The following CCDC152 variants were observed in gnomAD, a reference collection of about 807,000 sequenced individuals.
The protein encoded by CCDC152 is coiled-coil domain containing 152, also known as coiled-coil domain-containing protein 152.
In CCDC152, 37 loss-of-function variants were observed where a neutral mutation model predicts 38.1. The ratio of observed to expected loss-of-function variants is 0.97; its 90% CI spans 0.75 to 1.28. The LOEUF (loss-of-function observed/expected upper bound fraction) is 1.28, where lower values mean the gene tolerates loss of function less well. CCDC152 is among the 50% of genes most tolerant of loss of function. The pLI is 0.00. For synonymous variants in CCDC152, 83 were observed against 87.1 expected (o/e 0.95, Z 0.26); for missense variants, 259 against 292.1 (o/e 0.89, Z 0.83).
chr5:42,800,531 T>TA lies in CCDC152; in HGVS notation c.*756dup. 2 of 647,822 alleles carry TA rather than the reference T, an allele frequency of 3.1e-6. No individual in the cohort carries two copies. The highest frequency in any genetic ancestry group is 2.7e-5 in the South Asian group (1 of 36,712). The allele number at this position is 647,822 out of a possible 1,614,324, so 40.1% of individuals were successfully genotyped here. A position where few individuals can be genotyped will look rare whatever the true frequency, so the allele number is the denominator to read the frequency against. ...CAATCACCTTTCAGTTGCTCCATCA[T>TA]AAAAAATATGGTTTGAGTCAATATT... On this transcript the variant is annotated 3_prime_UTR_variant, in exon 9 of 9. Coordinates refer to ENST00000361970, the MANE Select transcript of CCDC152 (RefSeq NM_001134848.2).
chr5:42,763,597 C>T lies in CCDC152; in HGVS notation c.193+1049C>T, dbSNP rs80352501. Among the ~76,000 whole-genome samples, 137 of 152,228 alleles carry T rather than the reference C, an allele frequency of 9.0e-4. 3 individuals carry two copies. In the East Asian group the frequency reaches 0.025, roughly 28 times the overall value. ...ATATCATATTGATAGTATATACTCT[C>T]GATAAGATACAATAAAGATGGCAAT... On this transcript the variant is annotated intron_variant, in intron 3 of 8. Transcript: ENST00000361970.
chr5:42,795,254 T>C (rs1339339207), intron 6 of CCDC152, among the ~76,000 whole-genome samples: 1 of 152,192 alleles, frequency 6.6e-6, no homozygotes, highest in African/African-American at 2.4e-5. Context: ...GGCATAGCTA[T>C]ACTAATATTG....
intron 4 of CCDC152, among the ~76,000 whole-genome samples, chr5:42,777,666 A>G (rs1210067053): frequency 6.6e-6 from 1 of 152,204 alleles, no homozygotes; most frequent in Non-Finnish European, 1.5e-5. Flanking sequence ...TCGGTTTCTC[A>G]TCACAACCTT....
At chr5:42,788,330 C>T (rs1342521912) in intron 6 of CCDC152, among the ~76,000 whole-genome samples, 2 of 134,870 alleles carry the variant, frequency 1.5e-5, no homozygotes, top group African/African-American at 5.5e-5. Context: ...AGGTCAATGC[C>T]AAAAAAAAAA....
intron 6 of CCDC152, among the ~76,000 whole-genome samples, chr5:42,790,524 T>G (rs911214143): frequency 6.6e-6 from 1 of 152,192 alleles, no homozygotes; most frequent in Non-Finnish European, 1.5e-5. Flanking sequence ...TTGGGTCCTC[T>G]GCGAAACAGA....
Position 42,801,268 on chromosome 5 carries a change from T to C in CCDC152, c.*1487T>C. ...TCATGATGGTAATGAGGCGATGGAG[T>C]TTCAACTGTTTTATCCACAGTAGCC... On this transcript the variant is annotated 3_prime_UTR_variant, in exon 9 of 9. Coordinates refer to ENST00000361970, the MANE Select transcript of CCDC152 (RefSeq NM_001134848.2). 1 of 1,613,992 alleles carries C rather than the reference T, an allele frequency of 6.2e-7. No individual in the cohort carries two copies. The highest frequency in any genetic ancestry group is 8.5e-7 in the Non-Finnish European group (1 of 1,179,970).
chr5:42,762,912 T>G (rs1014539385), intron 3 of CCDC152, among the ~76,000 whole-genome samples: 3 of 152,208 alleles, frequency 2.0e-5, no homozygotes, highest in Non-Finnish European at 4.4e-5. Context: ...ATGTCAAATG[T>G]GTCAAAAAAA....
Position 42,800,035 on chromosome 5 carries a change from T to A in CCDC152, c.*254T>A. 1 of 392,646 alleles carries A rather than the reference T, an allele frequency of 2.5e-6. No homozygotes were observed. The highest frequency in any genetic ancestry group is 4.5e-6 in the Non-Finnish European group (1 of 222,998). 24.3% of individuals were successfully genotyped at this position (392,646 alleles called of 1,614,324 possible). On this transcript the variant is annotated 3_prime_UTR_variant, in exon 9 of 9. Transcript: ENST00000361970. ...CATCATTGACTATGGAAATACTTAC[T>A]AAGCAATATAGAGACAGACAATATT...
chr5:42,785,303 G>C (rs1759903659), intron 6 of CCDC152, among the ~76,000 whole-genome samples: 1 of 152,026 alleles, frequency 6.6e-6, no homozygotes, highest in African/African-American at 2.4e-5. Flanking sequence ...TCCTTGTAGA[G>C]GTTTTTCATC....
chr5:42,788,105 T>C (rs760102307), intron 6 of CCDC152, among the ~76,000 whole-genome samples: 1 of 152,192 alleles, frequency 6.6e-6, no homozygotes, highest in Non-Finnish European at 1.5e-5. Flanking sequence ...AAAACTCCTT[T>C]GAGCATTTCT....
chr5:42,801,018 T>C lies in CCDC152; in HGVS notation c.*1237T>C, dbSNP rs1449323933. 5 of 1,614,086 alleles carry C rather than the reference T, an allele frequency of 3.1e-6. No homozygotes were observed. Among genetic ancestry groups the C allele is most frequent in the Non-Finnish European group, 4.2e-6 (5 of 1,180,018 alleles). ...TGTGGGCAATTTACAGAGTAATTGA[T>C]TTATACATCTCTTTCGACAGAGCTT... On this transcript the variant is annotated 3_prime_UTR_variant, in exon 9 of 9. Transcript: ENST00000361970.
intron 6 of CCDC152, among the ~76,000 whole-genome samples, chr5:42,789,353 T>C (rs938089594): frequency 2.0e-5 from 3 of 152,162 alleles, no homozygotes; most frequent in Non-Finnish European, 2.9e-5. Context: ...ACAAGTAACT[T>C]TGATCTCTTT....
intron 3 of CCDC152, among the ~76,000 whole-genome samples, chr5:42,763,722 G>C (rs546157648): frequency 2.0e-5 from 3 of 152,226 alleles, no homozygotes; most frequent in African/African-American, 7.2e-5. Context: ...ATCAGTATTT[G>C]CAAAACTGTC....
chr5:42,762,229 G>A (rs1759562343), intron 2 of CCDC152, among the ~76,000 whole-genome samples: 3 of 152,180 alleles, frequency 2.0e-5, no homozygotes, highest in African/African-American at 4.8e-5. Context: ...CACTTGTATA[G>A]GGCAGCTCCA....
In CCDC152 at chr5:42,799,864, T is replaced by C; in HGVS notation, c.*83T>C. The C allele has an allele frequency of 7.2e-7, 1 of 1,396,184 alleles. No homozygotes were observed. Among genetic ancestry groups the C allele is most frequent in the Non-Finnish European group, 9.8e-7 (1 of 1,025,424 alleles). 86.5% of individuals were successfully genotyped at this position (1,396,184 alleles called of 1,614,324 possible). ...CTGTTTTCAATATATGCATACAGCC[T>C]ACATAACAAACGAAGTCAGCTTTAA... On this transcript the variant is annotated 3_prime_UTR_variant, in exon 9 of 9. Coordinates refer to ENST00000361970, the MANE Select transcript of CCDC152 (RefSeq NM_001134848.2).
chr5:42,759,766 T>A (rs1759525344), intron 2 of CCDC152, among the ~76,000 whole-genome samples: 1 of 152,176 alleles, frequency 6.6e-6, no homozygotes, highest in East Asian at 1.9e-4. Context: ...AATAAGATAA[T>A]TTCAGAGAGA....
intron 6 of CCDC152, among the ~76,000 whole-genome samples, chr5:42,788,172 A>T (rs1213356692): frequency 6.6e-6 from 1 of 151,548 alleles, no homozygotes. Context: ...TTGGAAAAAA[A>T]CTTTATTTCT....
chr5:42,768,821 C>G (rs1238611595), intron 3 of CCDC152, among the ~76,000 whole-genome samples: 1 of 152,102 alleles, frequency 6.6e-6, no homozygotes, highest in Non-Finnish European at 1.5e-5. Context: ...CTTATAGTTC[C>G]CCAGATATAT....
At position 42,801,657 on chromosome 5, in the gene CCDC152, C is replaced by T. The variant is rs932052499; in HGVS notation, c.*1876C>T. 1 of 339,574 alleles carries T rather than the reference C, an allele frequency of 2.9e-6. No homozygotes were observed. The highest frequency in any genetic ancestry group is 5.3e-6 in the Non-Finnish European group (1 of 190,114). 21.0% of individuals were successfully genotyped at this position (339,574 alleles called of 1,614,324 possible). On this transcript the variant is annotated 3_prime_UTR_variant, in exon 9 of 9. Transcript: ENST00000361970. The stretch of plus-strand genomic sequence containing the variant: ...CTGGGCCGAGCATGGTGGCTCATGC[C>T]TGTAATCCCACCACTTTGGGTGGCC...
Sources: allele counts gnomAD v4.1 joint callset (sites outside exome capture counted in the v4.1 genomes callset), GRCh38; gene constraint gnomAD v4.1.1; transcripts MANE v1.5; gene names NCBI Gene and HGNC (gene_info 2026-07-23, HGNC 2026-07-21).